WDHD1: variants seen among roughly 807,000 people sequenced by gnomAD.
WDHD1 encodes the protein WD repeat and HMG-box DNA-binding protein 1.
In WDHD1, 111 loss-of-function variants were observed where a neutral mutation model predicts 135.4. The ratio of observed to expected loss-of-function variants is 0.82; its 90% CI spans 0.70 to 0.96. The LOEUF is 0.96. WDHD1 is among the 40% of genes least tolerant of loss of function. WDHD1 has a pLI of 0.00. For missense variants in WDHD1, 1,351 were observed against 1,336.3 expected (o/e 1.01, Z -0.17); for synonymous variants, 434 against 439.0 (o/e 0.99, Z 0.14).
At position 54,955,615 on chromosome 14, in the gene WDHD1, T is replaced by C. The variant is rs201895571; in HGVS notation, c.2996A>G (p.Asn999Ser). ...TATAGCTGGGGTTTCAGATAATACA[T>C]TTTTAAGATTTTCTTCTTTCACTTC... ...TEEVKEENLK[N>S]VLSETPAICP... The change falls in exon 24 of 26, where the codon AAT (asparagine) becomes AGT (serine). Residue 999 changes from asparagine (N) to serine (S), a missense_variant. Physicochemically the swap from Asn to Ser is conservative, Grantham distance 46. Transcript: ENST00000360586. The C allele has an allele frequency of 1.6e-5, 26 of 1,594,214 alleles. No homozygotes were observed. The East Asian group carries it at 6.0e-4, about 37-fold the overall frequency.
chr14:55,007,157 G>A, intron 7 of WDHD1, 123 bp downstream of exon 7: 1 of 703,642 alleles, frequency 1.4e-6, no homozygotes, highest in Non-Finnish European at 2.3e-6. Flanking sequence ...GAACCTGGGA[G>A]GCAGAGGTTG....
At chr14:54,965,692 A>T (rs1338754160) in intron 18 of WDHD1, among the ~76,000 whole-genome samples, 1 of 152,162 alleles carries the variant, frequency 6.6e-6, no homozygotes, top group Non-Finnish European at 1.5e-5. Context: ...ACGGTGGCTC[A>T]TGCCTGTGAT....
At chr14:54,980,978 G>T (rs1224002863) in intron 16 of WDHD1, among the ~76,000 whole-genome samples, 1 of 151,224 alleles carries the variant, frequency 6.6e-6, no homozygotes, top group African/African-American at 2.4e-5. Flanking sequence ...AGGCGTGATG[G>T]TGCGCACCTA....
intron 18 of WDHD1, among the ~76,000 whole-genome samples, chr14:54,965,943 C>T (rs956263219): frequency 6.8e-6 from 1 of 147,008 alleles, no homozygotes; most frequent in Non-Finnish European, 1.5e-5. Context: ...GAAACAAGAG[C>T]GAAACTCCGC....
chr14:54,981,751 C>T, intron 15 of WDHD1, 55 bp from the exon 16 acceptor site: 1 of 1,226,576 alleles, frequency 8.2e-7, no homozygotes, highest in Non-Finnish European at 1.2e-6. Flanking sequence ...GTTAAAGGAA[C>T]CCTATTTCAA....
chr14:55,008,178 T>C, intron 6 of WDHD1, 138 bp downstream of exon 6: 1 of 752,448 alleles, frequency 1.3e-6, no homozygotes, highest in East Asian at 2.8e-5. Context: ...TGGACTTTGA[T>C]CACAAAAACA....
At chr14:54,962,175 TC>T (rs1291925684) in intron 21 of WDHD1, among the ~76,000 whole-genome samples, 5 of 152,144 alleles carry the variant, frequency 3.3e-5, no homozygotes, top group African/African-American at 1.2e-4. Flanking sequence ...CCTGCATGCT[TC>T]CTCAGTGATA....
At chr14:54,966,445 T>C in intron 18 of WDHD1, 30 bp downstream of exon 18, 1 of 1,580,780 alleles carries the variant, frequency 6.3e-7, no homozygotes, top group Non-Finnish European at 8.5e-7. Flanking sequence ...CATTTAACTT[T>C]AACGTTTTCA....
At chr14:54,953,481 G>A (rs1472202874) in intron 24 of WDHD1, among the ~76,000 whole-genome samples, 2 of 152,176 alleles carry the variant, frequency 1.3e-5, no homozygotes, top group Non-Finnish European at 2.9e-5. Flanking sequence ...AACAGGTGCT[G>A]GAGAGGATGT....
chr14:54,950,311 A>G (rs2041022280), intron 24 of WDHD1, among the ~76,000 whole-genome samples: 1 of 152,170 alleles, frequency 6.6e-6, no homozygotes, highest in Non-Finnish European at 1.5e-5. Context: ...CTACCAAGCA[A>G]ATGGAAAACA....
intron 15 of WDHD1, among the ~76,000 whole-genome samples, chr14:54,984,364 A>G (rs1650829596): frequency 6.6e-6 from 1 of 152,178 alleles, no homozygotes; most frequent in Non-Finnish European, 1.5e-5. Flanking sequence ...GCATGGTGGC[A>G]CATGCCTGTA....
intron 10 of WDHD1, among the ~76,000 whole-genome samples, chr14:54,996,553 T>C (rs1275222123): frequency 6.6e-6 from 1 of 152,108 alleles, no homozygotes; most frequent in Admixed American, 6.5e-5. Context: ...TGAGCCATGA[T>C]CTCACCACTG....
Position 54,940,945 on chromosome 14 carries a change from A to T in WDHD1, c.*545T>A, listed in dbSNP as rs2040828115. On this transcript the variant is annotated 3_prime_UTR_variant, in exon 26 of 26. Coordinates refer to ENST00000360586, the MANE Select transcript of WDHD1 (RefSeq NM_007086.4). Reference sequence around the variant, plus strand: ...AAAAATCCAGGCTATACAAACAGACAACTGAAAGCCACATAGGAAATTTCC... The same window carrying T: ...AAAAATCCAGGCTATACAAACAGACTACTGAAAGCCACATAGGAAATTTCC... The T allele has an allele frequency of 6.6e-6, 1 of 152,236 alleles. No individual in the cohort carries two copies. The highest frequency in any genetic ancestry group is 1.5e-5 in the Non-Finnish European group (1 of 68,052). 9.4% of individuals were successfully genotyped at this position (152,236 alleles called of 1,614,324 possible). A position where few individuals can be genotyped will look rare whatever the true frequency, so the allele number is the denominator to read the frequency against.
rs546170226 is a variant in WDHD1 at position 54,969,273 on chromosome 14, G to A, written c.2064-1879C>T. On this transcript the variant is annotated intron_variant, in intron 16 of 25. Transcript: ENST00000360586. ...GATCTCCTGACCTTGTGATCCGCCC[G>A]CCTATGCCTCCCAAAGTGCTGGGAT... is the stretch of plus-strand genomic sequence containing the variant. Among the ~76,000 whole-genome samples, 7 of 149,864 alleles carry A rather than the reference G, an allele frequency of 4.7e-5. No homozygotes were observed. In the East Asian group the frequency reaches 9.8e-4, roughly 21 times the overall value.
chr14:55,006,193 C>G (rs572706063), intron 7 of WDHD1, among the ~76,000 whole-genome samples: 1 of 152,258 alleles, frequency 6.6e-6, no homozygotes, highest in East Asian at 1.9e-4. Flanking sequence ...GTTATCAAAA[C>G]TATAGATTAA....
At chr14:54,992,536 A>T (rs2041809263) in intron 11 of WDHD1, among the ~76,000 whole-genome samples, 1 of 152,184 alleles carries the variant, frequency 6.6e-6, no homozygotes. Context: ...AAATTAAGAT[A>T]TTGGAAAGCT....
intron 21 of WDHD1, among the ~76,000 whole-genome samples, chr14:54,958,834 C>G (rs543947630): frequency 2.0e-4 from 31 of 152,298 alleles, no homozygotes; most frequent in Middle Eastern, 3.4e-3. Context: ...TCCCCCAATG[C>G]TTGCTTACCC....
chr14:55,015,071 A>AT (rs1450832830), intron 2 of WDHD1, among the ~76,000 whole-genome samples: 2 of 152,340 alleles, frequency 1.3e-5, no homozygotes, highest in South Asian at 2.1e-4. Flanking sequence ...TAGGAGGACT[A>AT]TAAGTCTCAG....
chr14:54,982,081 A>T (rs1388462415), intron 15 of WDHD1, among the ~76,000 whole-genome samples: 1 of 151,512 alleles, frequency 6.6e-6, no homozygotes, highest in Non-Finnish European at 1.5e-5. Context: ...ATCTCGGCCC[A>T]CTGCAAGCTC....
Sources: allele counts gnomAD v4.1 joint callset (sites outside exome capture counted in the v4.1 genomes callset), GRCh38; gene constraint gnomAD v4.1.1; transcripts MANE v1.5; gene names NCBI Gene and HGNC (gene_info 2026-07-23, HGNC 2026-07-21).